The following COLEC10 variants were observed in gnomAD, a reference collection of about 807,000 sequenced individuals.
COLEC10 encodes collectin subfamily member 10.
Under a neutral mutation model 28.4 loss-of-function variants are expected in COLEC10, and 22 were observed. The observed-to-expected ratio is 0.78, with a 90% CI of 0.55 to 1.11. The LOEUF (loss-of-function observed/expected upper bound fraction) is 1.11. Among genes scored for constraint, COLEC10 ranks in the 50% least tolerant of loss-of-function variants. COLEC10 has a pLI of 0.00. For missense variants in COLEC10, 361 were observed against 344.1 expected, an observed-to-expected ratio of 1.05 and a Z score of -0.39; for synonymous variants, 125 against 116.1, an observed-to-expected ratio of 1.08 and a Z score of -0.49.
intron 2 of COLEC10, among the ~76,000 whole-genome samples, chr8:119,025,604 G>A (rs544770320): frequency 7.9e-5 from 12 of 152,250 alleles, no homozygotes; most frequent in South Asian, 6.2e-4. Context: ...GTGACTAAGC[G>A]CGAGGCTTGA....
At chr8:119,065,169 T>C (rs1444158082), upstream of COLEC10, among the ~76,000 whole-genome samples, 2 of 152,126 alleles carry the variant, frequency 1.3e-5, no homozygotes, top group African/African-American at 4.8e-5. Flanking sequence ...GGCCACGAAC[T>C]GGTATCGGTT....
At chr8:118,990,170 A>T in the COLEC10 span, among the ~76,000 whole-genome samples, 1 of 152,118 alleles carries the variant, frequency 6.6e-6, no homozygotes, top group Non-Finnish European at 1.5e-5. Context: ...TGAGGTCATT[A>T]AAAAGAACAA....
intron 2 of COLEC10, among the ~76,000 whole-genome samples, chr8:119,023,089 A>G (rs1814127283): frequency 6.6e-6 from 1 of 152,080 alleles, no homozygotes; most frequent in Admixed American, 6.6e-5. Context: ...CTTTGCTTAA[A>G]TATTATCTTC....
rs1814079365 is a variant in COLEC10 at position 119,020,968 on chromosome 8, A to G, written n.235+11415A>G. Among the ~76,000 whole-genome samples, 3 of 152,178 alleles carry G rather than the reference A, an allele frequency of 2.0e-5. No individual in the cohort carries two copies. In the South Asian group the frequency reaches 6.2e-4, roughly 31 times the overall value. On this transcript the variant is annotated intron_variant and non_coding_transcript_variant, in intron 2 of 6. Transcript: ENST00000521788. ...CTTTAGTTGAAGAGTGATTAAACAT[A>G]TAGGACTTGCTCATTATCAGTCATT...
chr8:119,052,605 A>G (rs544277422), intron 2 of COLEC10, among the ~76,000 whole-genome samples: 3 of 152,244 alleles, frequency 2.0e-5, no homozygotes, highest in African/African-American at 7.2e-5. Flanking sequence ...TCACAGAAGA[A>G]TGAGATCCTC....
At chr8:119,076,957 G>T (rs1385520034) in intron 1 of COLEC10, among the ~76,000 whole-genome samples, 2 of 152,118 alleles carry the variant, frequency 1.3e-5, no homozygotes, top group Non-Finnish European at 2.9e-5. Context: ...TGGGTTGGGG[G>T]GACTTTGATA....
intron 4 of COLEC10, 22 bp downstream of exon 4, chr8:119,102,423 CTT>C: frequency 6.4e-7 from 1 of 1,574,064 alleles, no homozygotes; most frequent in Admixed American, 1.8e-5. Flanking sequence ...TCAATGTTCT[CTT>C]TGATTTCTAG....
At chr8:119,025,869 C>G (rs1814181123) in intron 2 of COLEC10, among the ~76,000 whole-genome samples, 1 of 152,116 alleles carries the variant, frequency 6.6e-6, no homozygotes, top group Non-Finnish European at 1.5e-5. Context: ...TACAATCACA[C>G]CTCATCTCTA....
chr8:118,980,173 G>A, the COLEC10 span, among the ~76,000 whole-genome samples: 3 of 151,724 alleles, frequency 2.0e-5, no homozygotes, highest in African/African-American at 4.8e-5. Flanking sequence ...AAAGATCATC[G>A]GGAGATCTTT....
intron 2 of COLEC10, among the ~76,000 whole-genome samples, chr8:119,017,458 T>A (rs1814014597): frequency 6.6e-6 from 1 of 152,180 alleles, no homozygotes; most frequent in Non-Finnish European, 1.5e-5. Context: ...TACTTATTGA[T>A]GGTGCTTGAA....
chr8:119,007,326 G>C (rs1052908322), intron 1 of COLEC10, among the ~76,000 whole-genome samples: 4 of 152,062 alleles, frequency 2.6e-5, no homozygotes, highest in African/African-American at 4.8e-5. Flanking sequence ...AACTGTAGTT[G>C]TCTCATTTTA....
At chr8:119,094,764 C>G (rs536805680) in intron 3 of COLEC10, among the ~76,000 whole-genome samples, 1 of 152,258 alleles carries the variant, frequency 6.6e-6, no homozygotes, top group East Asian at 1.9e-4. Context: ...TCCAGAAATA[C>G]TACTCCAGAA....
chr8:118,988,098 T>C, the COLEC10 span, among the ~76,000 whole-genome samples: 1 of 152,108 alleles, frequency 6.6e-6, no homozygotes. Context: ...GCTGGAGCCA[T>C]AGACTGGTGG....
At chr8:118,983,998 G>T in the COLEC10 span, among the ~76,000 whole-genome samples, 1 of 148,740 alleles carries the variant, frequency 6.7e-6, no homozygotes, top group Non-Finnish European at 1.5e-5. Context: ...ATATTCAAAG[G>T]AATATAAATT....
chr8:119,089,877 T>C, intron 2 of COLEC10, 126 bp downstream of exon 2: 2 of 698,984 alleles, frequency 2.9e-6, no homozygotes, highest in South Asian at 3.6e-5. Context: ...GAAATATATT[T>C]CACACATGAA....
intron 2 of COLEC10, among the ~76,000 whole-genome samples, chr8:119,044,408 C>A (rs1009220819): frequency 2.0e-5 from 3 of 152,154 alleles, no homozygotes; most frequent in African/African-American, 4.8e-5. Flanking sequence ...GATGAGCTAG[C>A]TTTGGCCCAA....
At chr8:118,992,647 G>A (rs897248160), upstream of COLEC10, among the ~76,000 whole-genome samples, 1 of 152,086 alleles carries the variant, frequency 6.6e-6, no homozygotes, top group Non-Finnish European at 1.5e-5. Context: ...CCTGGGTGAA[G>A]AAAACACCGT....
rs1415581047 is a variant in COLEC10, at chr8:119,067,351, C to G, written c.70C>G (p.Gln24Glu). The G allele has an allele frequency of 6.2e-7, 1 of 1,614,054 alleles. No individual in the cohort carries two copies. The highest frequency in any genetic ancestry group is 8.5e-7 in the Non-Finnish European group (1 of 1,179,954). ...ILLVLFLLQIQSLGLDIDSRP... is the reference protein window; with the variant it reads ...ILLVLFLLQIESLGLDIDSRP... ...CCTGGTACTATTTCTTTTGCAAATTCAGAGTCTGGGTCTGGATATTGATAG... is the reference window on the plus strand; with the variant it reads ...CCTGGTACTATTTCTTTTGCAAATTGAGAGTCTGGGTCTGGATATTGATAG... Residue 24 changes from glutamine to glutamate, a missense_variant, in exon 1 of 6, where the codon CAG becomes GAG. Coordinates refer to ENST00000332843, the MANE Select transcript of COLEC10 (RefSeq NM_006438.5).
chr8:118,985,949 C>T, the COLEC10 span, among the ~76,000 whole-genome samples: 1 of 152,010 alleles, frequency 6.6e-6, no homozygotes, highest in Non-Finnish European at 1.5e-5. Flanking sequence ...TTATGCCAAG[C>T]AGTGACCAGA....
Sources: allele counts gnomAD v4.1 joint callset (sites outside exome capture counted in the v4.1 genomes callset), GRCh38; gene constraint gnomAD v4.1.1; transcripts MANE v1.5; gene names NCBI Gene and HGNC (gene_info 2026-07-23, HGNC 2026-07-21).